The following GABRB1 variants were observed in gnomAD, a reference collection of about 807,000 sequenced individuals.
GABRB1 encodes the protein gamma-aminobutyric acid type A receptor subunit beta1.
In GABRB1, 17 loss-of-function variants were observed where a neutral mutation model predicts 51.6. That is an observed-to-expected ratio of 0.33 (90% CI 0.23 to 0.49). GABRB1 has a LOEUF of 0.49. Ranked by LOEUF, GABRB1 falls within the 20% of genes least tolerant of loss-of-function variation. The pLI is 0.99. For missense variants in GABRB1, 410 were observed against 600.6 expected (o/e 0.68, Z 3.32); for synonymous variants, 247 against 218.9 (o/e 1.13, Z -1.14).
rs530053142 is a variant in GABRB1, at chr4:47,260,316, G to A, written c.462-59811G>A. Among the ~76,000 whole-genome samples the A allele has an allele frequency of 2.0e-5, 3 of 152,126 alleles. No individual in the cohort carries two copies. The South Asian group carries it at 6.2e-4, about 32-fold the overall frequency. Reference sequence around the variant, plus strand: ...CTGTGTCTTTTAATTGGAGCATTTAGTCCATTTACATTTAAAGTTAATATT... The same window carrying A: ...CTGTGTCTTTTAATTGGAGCATTTAATCCATTTACATTTAAAGTTAATATT... On this transcript the variant is annotated intron_variant, in intron 4 of 8. Coordinates refer to ENST00000295454, the MANE Select transcript of GABRB1 (RefSeq NM_000812.4).
chr4:47,007,225 G>A (rs764353391), intron 1 of GABRB1, among the ~76,000 whole-genome samples: 1 of 152,070 alleles, frequency 6.6e-6, no homozygotes, highest in Non-Finnish European at 1.5e-5. Flanking sequence ...CACATCATTT[G>A]TCATTATATT....
chr4:47,134,003 T>C (rs902096131), intron 3 of GABRB1, among the ~76,000 whole-genome samples: 2 of 152,326 alleles, frequency 1.3e-5, no homozygotes, highest in Admixed American at 6.5e-5. Context: ...AATCTTTCAT[T>C]TTTATCTCAG....
intron 5 of GABRB1, among the ~76,000 whole-genome samples, chr4:47,385,392 T>C (rs765100854): frequency 1.2e-4 from 18 of 152,338 alleles, no homozygotes; most frequent in Admixed American, 1.0e-3. Flanking sequence ...TTATTTTCAT[T>C]TCTCACCTGA....
intron 4 of GABRB1, among the ~76,000 whole-genome samples, chr4:47,277,297 G>A (rs954888603): frequency 3.9e-5 from 6 of 151,964 alleles, no homozygotes; most frequent in Non-Finnish European, 7.4e-5. Flanking sequence ...ACTTATTTGT[G>A]GAATCATAAA....
intron 3 of GABRB1, among the ~76,000 whole-genome samples, chr4:47,147,195 C>G (rs998170651): frequency 1.3e-5 from 2 of 152,066 alleles, no homozygotes; most frequent in Admixed American, 1.3e-4. Flanking sequence ...TCCAATATTT[C>G]ATTCCTTTAA....
intron 5 of GABRB1, among the ~76,000 whole-genome samples, chr4:47,379,113 C>A (rs1727501970): frequency 6.6e-6 from 1 of 152,140 alleles, no homozygotes; most frequent in Non-Finnish European, 1.5e-5. Flanking sequence ...TGCCTGAATT[C>A]ATAATCTTGA....
chr4:47,378,431 C>T (rs1727471688), intron 5 of GABRB1, among the ~76,000 whole-genome samples: 1 of 152,206 alleles, frequency 6.6e-6, no homozygotes, highest in African/African-American at 2.4e-5. Context: ...CCGCCCACAC[C>T]TCTCCCTCCA....
chr4:47,092,762 C>T (rs1040679215), intron 3 of GABRB1, among the ~76,000 whole-genome samples: 3 of 151,928 alleles, frequency 2.0e-5, no homozygotes, highest in Non-Finnish European at 2.9e-5. Context: ...CAGGTGCCCG[C>T]CACCACACCT....
At chr4:47,112,877 A>T (rs971727623) in intron 3 of GABRB1, among the ~76,000 whole-genome samples, 19 of 152,200 alleles carry the variant, frequency 1.2e-4, no homozygotes, top group African/African-American at 4.6e-4. Context: ...TTATAAAATT[A>T]TCTTCTCTAA....
At chr4:47,277,796 T>C (rs1176576143) in intron 4 of GABRB1, among the ~76,000 whole-genome samples, 4 of 152,106 alleles carry the variant, frequency 2.6e-5, no homozygotes, top group Non-Finnish European at 5.9e-5. Context: ...AAAATTATGA[T>C]AGATATTAGG....
chr4:47,132,148 C>G (rs940409395), intron 3 of GABRB1, among the ~76,000 whole-genome samples: 2 of 152,156 alleles, frequency 1.3e-5, no homozygotes, highest in African/African-American at 4.8e-5. Context: ...GCTCATTTCA[C>G]TAGAAAGCGT....
chr4:47,232,545 T>C (rs775297781), intron 4 of GABRB1, among the ~76,000 whole-genome samples: 20 of 152,184 alleles, frequency 1.3e-4, no homozygotes, highest in Admixed American at 2.6e-4. Flanking sequence ...TAATCTATCA[T>C]CTGAATCTCA....
Position 47,345,910 on chromosome 4 carries a change from G to A in GABRB1, c.544+25701G>A, listed in dbSNP as rs138256141. ...CACACCCACAATGCATAATAAAATG[G>A]CATGTGTGCAGACCAGACATGCCAA... On this transcript the variant is annotated intron_variant, in intron 5 of 8. Transcript: ENST00000295454. 2.0e-5 allele frequency among the ~76,000 whole-genome samples: 3 copies of A among 152,098 alleles called. No individual in the cohort carries two copies. The East Asian group carries it at 5.8e-4, about 29-fold the overall frequency.
intron 4 of GABRB1, among the ~76,000 whole-genome samples, chr4:47,193,598 A>G (rs1719531274): frequency 6.6e-6 from 1 of 152,218 alleles, no homozygotes; most frequent in African/African-American, 2.4e-5. Flanking sequence ...ATGTATACCT[A>G]AAGTGTTTGG....
intron 1 of GABRB1, among the ~76,000 whole-genome samples, chr4:47,009,819 G>A (rs948535299): frequency 6.6e-6 from 1 of 152,186 alleles, no homozygotes; most frequent in Non-Finnish European, 1.5e-5. Flanking sequence ...TACTCAACAG[G>A]TGGTCTTCAG....
chr4:47,123,874 TTA>T (rs1715977396), intron 3 of GABRB1, among the ~76,000 whole-genome samples: 1 of 89,716 alleles, frequency 1.1e-5, no homozygotes, highest in East Asian at 2.5e-4. Flanking sequence ...GATATATATC[TTA>T]TATATAATAT....
chr4:47,425,310 A>ATTTTTACT (rs1729231079), intron 8 of GABRB1, among the ~76,000 whole-genome samples: 1 of 151,328 alleles, frequency 6.6e-6, no homozygotes, highest in East Asian at 2.0e-4. Flanking sequence ...GAGATTATGA[A>ATTTTTACT]TTTTTACTTT....
chr4:47,296,250 A>G (rs1263224645), intron 4 of GABRB1, among the ~76,000 whole-genome samples: 1 of 152,200 alleles, frequency 6.6e-6, no homozygotes, highest in Non-Finnish European at 1.5e-5. Context: ...TCAAATTCAC[A>G]CATAACAATA....
intron 5 of GABRB1, among the ~76,000 whole-genome samples, chr4:47,329,293 G>A (rs1393050945): frequency 6.6e-6 from 1 of 151,812 alleles, no homozygotes; most frequent in Non-Finnish European, 1.5e-5. Flanking sequence ...GATCAGAGTT[G>A]CCCAGTGTGT....
Sources: gnomAD v4.1 joint callset for allele counts (sites outside exome capture counted in the v4.1 genomes callset) on GRCh38, gnomAD v4.1.1 for gene constraint, MANE v1.5 for transcripts, NCBI Gene and HGNC (gene_info 2026-07-23, HGNC 2026-07-21) for gene names.